The following IFT25 variants were observed in gnomAD, a reference collection of about 807,000 sequenced individuals.
The protein encoded by IFT25 is intraflagellar transport 25.
the IFT25 span, chr1:53,921,767 C>T: frequency 6.3e-7 from 1 of 1,592,964 alleles, no homozygotes; most frequent in Non-Finnish European, 8.6e-7. Flanking sequence ...CCATCATGTG[C>T]CTGTATGGGA....
At chr1:53,925,468 G>A in the IFT25 span, among the ~76,000 whole-genome samples, 10 of 151,248 alleles carry the variant, frequency 6.6e-5, no homozygotes, top group Admixed American at 4.6e-4. Context: ...AGACCATCCT[G>A]GCTAACACGG....
the IFT25 span, among the ~76,000 whole-genome samples, chr1:53,933,255 C>A: frequency 2.0e-5 from 3 of 151,958 alleles, no homozygotes; most frequent in African/African-American, 4.8e-5. Flanking sequence ...CTGCCTCAGC[C>A]TCCCGAGTAA....
At chr1:53,918,191 T>C in the IFT25 span, among the ~76,000 whole-genome samples, 3 of 152,210 alleles carry the variant, frequency 2.0e-5, no homozygotes, top group South Asian at 6.2e-4. Flanking sequence ...TTACCCAAAA[T>C]ACTGAAAAGA....
chr1:53,938,815 C>T, the IFT25 span, among the ~76,000 whole-genome samples: 1 of 152,086 alleles, frequency 6.6e-6, no homozygotes, highest in African/African-American at 2.4e-5. Flanking sequence ...GGGCTCACGC[C>T]TGTAATCTCA....
chr1:53,915,445 G>C, the IFT25 span, among the ~76,000 whole-genome samples: 1 of 152,028 alleles, frequency 6.6e-6, no homozygotes. Flanking sequence ...AAGGATACTT[G>C]GGCCATCATT....
chr1:53,919,068 A>T, the IFT25 span, among the ~76,000 whole-genome samples: 5 of 152,138 alleles, frequency 3.3e-5, no homozygotes, highest in Admixed American at 6.5e-5. Context: ...TGAACCCCTG[A>T]CCTGAGGTGA....
chr1:53,932,777 G>C, the IFT25 span, among the ~76,000 whole-genome samples: 3 of 152,274 alleles, frequency 2.0e-5, no homozygotes, highest in Non-Finnish European at 2.9e-5. Context: ...TGTTGTCCAG[G>C]CTGGTCTCAC....
chr1:53,927,642 T>A, the IFT25 span, among the ~76,000 whole-genome samples: 2 of 152,190 alleles, frequency 1.3e-5, no homozygotes, highest in Non-Finnish European at 2.9e-5. Context: ...CAACTAATCA[T>A]CCTTGTTTTC....
At chr1:53,917,443 C>T in the IFT25 span, among the ~76,000 whole-genome samples, 1 of 152,152 alleles carries the variant, frequency 6.6e-6, no homozygotes, top group Admixed American at 6.5e-5. Flanking sequence ...TAAGCTCATG[C>T]ATTTTATTAC....
chr1:53,915,381 C>T, the IFT25 span, among the ~76,000 whole-genome samples: 1 of 152,194 alleles, frequency 6.6e-6, no homozygotes, highest in African/African-American at 2.4e-5. Context: ...TGGATTAAAT[C>T]TCCTACTCAA....
chr1:53,928,883 T>C, the IFT25 span: 3 of 156,598 alleles, frequency 1.9e-5, no homozygotes, highest in African/African-American at 7.2e-5. Flanking sequence ...AGGTGTTCAA[T>C]GATATACAGC....
chr1:53,917,192 A>G, the IFT25 span: 531 of 153,070 alleles, frequency 3.5e-3, 1 homozygote, highest in African/African-American at 0.012. Context: ...AAAAAAAAAT[A>G]AATAAAATTA....
At chr1:53,936,170 C>A in the IFT25 span, among the ~76,000 whole-genome samples, 1 of 152,134 alleles carries the variant, frequency 6.6e-6, no homozygotes, top group Admixed American at 6.5e-5. Flanking sequence ...CATCTGTAAT[C>A]CCAGCTACTC....
the IFT25 span, among the ~76,000 whole-genome samples, chr1:53,913,545 T>C: frequency 6.6e-6 from 1 of 152,202 alleles, no homozygotes; most frequent in South Asian, 2.1e-4. Context: ...ATTCGCTGTC[T>C]TGAGTAGCCT....
chr1:53,920,321 A>G, the IFT25 span, among the ~76,000 whole-genome samples: 4 of 150,530 alleles, frequency 2.7e-5, no homozygotes, highest in Non-Finnish European at 5.9e-5. Context: ...TTCTATCAAT[A>G]TGGATTCACT....
the IFT25 span, chr1:53,924,022 A>G: frequency 1.1e-6 from 1 of 901,336 alleles, no homozygotes; most frequent in Non-Finnish European, 1.8e-6. Context: ...ATTTATGTTC[A>G]GCAAAATATG....
At chr1:53,944,783 C>T in the IFT25 span, among the ~76,000 whole-genome samples, 7 of 152,048 alleles carry the variant, frequency 4.6e-5, no homozygotes, top group South Asian at 1.4e-3. Context: ...ATCCCTGACC[C>T]TGGTATTCCC....
At chr1:53,924,185 G>A in the IFT25 span, among the ~76,000 whole-genome samples, 1 of 151,912 alleles carries the variant, frequency 6.6e-6, no homozygotes, top group Non-Finnish European at 1.5e-5. Flanking sequence ...GAAATGCAAA[G>A]GTCAATTATA....
chr1:53,912,956 G>A, the IFT25 span, among the ~76,000 whole-genome samples: 2 of 152,170 alleles, frequency 1.3e-5, no homozygotes, highest in Non-Finnish European at 2.9e-5. Flanking sequence ...TTTGAGAACC[G>A]CTGCTATAGT....
Sources: allele counts gnomAD v4.1 joint callset (sites outside exome capture counted in the v4.1 genomes callset), GRCh38; gene constraint gnomAD v4.1.1; transcripts MANE v1.5; gene names NCBI Gene and HGNC (gene_info 2026-07-23, HGNC 2026-07-21).